LIN9: variants seen among roughly 807,000 people sequenced by gnomAD.
LIN9 encodes protein lin-9 homolog.
In LIN9, 18 loss-of-function variants were observed where a neutral mutation model predicts 78.0. The observed-to-expected ratio is 0.23, with a 90% confidence interval of 0.16 to 0.34. The LOEUF is 0.34. Among genes scored for constraint, LIN9 ranks in the 10% least tolerant of loss-of-function variants. The probability of loss-of-function intolerance (pLI) is 1.00; values close to 1 mark genes in which losing one functional copy is unlikely to be tolerated. For synonymous variants in LIN9, 192 were observed against 215.2 expected (o/e 0.89, Z 0.94); for missense variants, 451 against 644.1 (o/e 0.70, Z 3.25).
chr1:226,304,505 A>G (rs1357781244), intron 1 of LIN9, among the ~76,000 whole-genome samples: 1 of 152,264 alleles, frequency 6.6e-6, no homozygotes, highest in Non-Finnish European at 1.5e-5. Context: ...AAACACGTAC[A>G]TAATAATTAT....
At chr1:226,247,860 G>A (rs1336222741) in intron 11 of LIN9, among the ~76,000 whole-genome samples, 1 of 151,896 alleles carries the variant, frequency 6.6e-6, no homozygotes, top group African/African-American at 2.4e-5. Flanking sequence ...TTTCAGTAGA[G>A]ACAGGGTTTT....
At chr1:226,271,716 T>C (rs1660287349) in intron 7 of LIN9, among the ~76,000 whole-genome samples, 1 of 152,228 alleles carries the variant, frequency 6.6e-6, no homozygotes, top group Non-Finnish European at 1.5e-5. Flanking sequence ...GATTTGTCTA[T>C]TTCTTTCTTT....
Position 226,238,959 on chromosome 1 carries a change from C to T in LIN9, c.1245+12G>A. On this transcript the variant is annotated intron_variant, in intron 12 of 14. Coordinates refer to ENST00000681046, the MANE Select transcript of LIN9 (RefSeq NM_001366245.2). ...ATACAAATATGGAGGGAAATCTATA[C>T]ATATCACTTACCTCATAGCAATACT... The T allele has an allele frequency of 6.2e-7, 1 of 1,607,606 alleles. No homozygotes were observed. The highest frequency in any genetic ancestry group is 8.5e-7 in the Non-Finnish European group (1 of 1,177,126).
intron 11 of LIN9, among the ~76,000 whole-genome samples, chr1:226,242,504 T>A (rs1436054058): frequency 2.6e-5 from 4 of 152,180 alleles, no homozygotes; most frequent in African/African-American, 9.7e-5. Context: ...CAGGAGAATA[T>A]GTTTATGAAT....
intron 6 of LIN9, 76 bp downstream of exon 6, chr1:226,286,257 G>A: frequency 6.7e-7 from 1 of 1,491,386 alleles, no homozygotes; most frequent in Non-Finnish European, 9.0e-7. Context: ...AGCCTTCCAA[G>A]TAACTGGGAT....
intron 5 of LIN9, among the ~76,000 whole-genome samples, chr1:226,286,738 C>A (rs1257203068): frequency 1.3e-5 from 2 of 152,182 alleles, no homozygotes; most frequent in Non-Finnish European, 2.9e-5. Flanking sequence ...GTGGCCCTGG[C>A]CTTGTATCAG....
intron 11 of LIN9, among the ~76,000 whole-genome samples, chr1:226,245,573 G>A (rs1277450981): frequency 2.6e-5 from 4 of 151,866 alleles, no homozygotes; most frequent in African/African-American, 9.7e-5. Context: ...TACCATGCCT[G>A]GCTAATTTTT....
intron 7 of LIN9, among the ~76,000 whole-genome samples, chr1:226,277,430 G>A (rs1660738399): frequency 6.6e-6 from 1 of 152,134 alleles, no homozygotes; most frequent in African/African-American, 2.4e-5. Context: ...TACAGTTTAA[G>A]CTTTCTAAAT....
Position 226,252,502 on chromosome 1 carries a change from G to A in LIN9, c.1039-1583C>T, listed in dbSNP as rs1361852811. Among the ~76,000 whole-genome samples, 6 of 152,104 alleles carry A rather than the reference G, an allele frequency of 3.9e-5. 1 individual carries two copies. Among genetic ancestry groups the A allele is most frequent in the Non-Finnish European group, 4.4e-5 (3 of 67,984 alleles). On this transcript the variant is annotated intron_variant, in intron 10 of 14. Transcript: ENST00000681046. ...CCCACAAGGATTTAGTCAAAAAATC[G>A]AGACTGTGGGAGACTGTATGGATAA...
At position 226,275,784 on chromosome 1, in the gene LIN9, G is replaced by A. The variant is rs953059370; in HGVS notation, c.682+1991C>T. ...TGTAATCCCAACACTTTGGGAGGCCGAGGTGGACAGAAGATCACTTGAGGT... is the reference window on the plus strand; with the variant it reads ...TGTAATCCCAACACTTTGGGAGGCCAAGGTGGACAGAAGATCACTTGAGGT... On this transcript the variant is annotated intron_variant, in intron 7 of 14. Transcript: ENST00000681046. 3.9e-5 allele frequency among the ~76,000 whole-genome samples: 6 copies of A among 152,102 alleles called. No homozygotes were observed. The Middle Eastern group carries it at 0.014, about 345-fold the overall frequency.
rs1261526525 is a variant in LIN9 at position 226,295,838 on chromosome 1, A to G, written c.264+4T>C. The stretch of plus-strand genomic sequence containing the variant: ...AATGAAACAAAATTTTAGCACACAC[A>G]TACCTGTGGAACCATTGCAACCCTC... On this transcript the variant is annotated splice_donor_region_variant and intron_variant, in intron 4 of 14. Coordinates refer to ENST00000681046, the MANE Select transcript of LIN9 (RefSeq NM_001366245.2). 6.3e-6 allele frequency: 10 copies of G among 1,592,682 alleles called. No individual in the cohort carries two copies. The Admixed American group carries it at 8.7e-5, about 14-fold the overall frequency.
At chr1:226,303,609 T>C (rs1176533004) in intron 1 of LIN9, among the ~76,000 whole-genome samples, 3 of 151,770 alleles carry the variant, frequency 2.0e-5, no homozygotes, top group Admixed American at 2.0e-4. Context: ...TTTTCTTTTT[T>C]CTTTTTCTTT....
chr1:226,251,567 G>T (rs1288330193), intron 10 of LIN9, among the ~76,000 whole-genome samples: 1 of 152,150 alleles, frequency 6.6e-6, no homozygotes, highest in Non-Finnish European at 1.5e-5. Context: ...TCACCATGCT[G>T]GCCAGACTGG....
At chr1:226,271,270 C>T (rs1660254329) in intron 7 of LIN9, among the ~76,000 whole-genome samples, 2 of 152,184 alleles carry the variant, frequency 1.3e-5, no homozygotes, top group African/African-American at 4.8e-5. Flanking sequence ...CTGACAATCA[C>T]AAAGTCCAGT....
intron 12 of LIN9, among the ~76,000 whole-genome samples, chr1:226,235,322 C>CAAAAAAAA (rs375690849): frequency 5.0e-5 from 3 of 59,692 alleles, no homozygotes; most frequent in African/African-American, 1.2e-4. Context: ...AAATCCGTCT[C>CAAAAAAAA]AAAAAAAAAA....
At chr1:226,295,482 A>T (rs755579576) in intron 4 of LIN9, among the ~76,000 whole-genome samples, 33 of 150,862 alleles carry the variant, frequency 2.2e-4, no homozygotes, top group Admixed American at 6.0e-4. Flanking sequence ...ATATATATAT[A>T]TATTTTTTTC....
intron 5 of LIN9, 96 bp from the exon 6 acceptor site, chr1:226,286,554 CATAT>C: frequency 1.2e-6 from 1 of 830,028 alleles, no homozygotes; most frequent in Non-Finnish European, 1.8e-6. Context: ...ACTTCTACCC[CATAT>C]ATATATATAA....
Position 226,297,708 on chromosome 1 carries a change from T to C in LIN9, c.159+11A>G. ...AATTATTCTAAAATGTAAGAAAAAC[T>C]CACTCCTTACCATTTCCACAGCAGA... On this transcript the variant is annotated intron_variant, in intron 3 of 14. Coordinates refer to ENST00000681046, the MANE Select transcript of LIN9 (RefSeq NM_001366245.2). 6.6e-7 allele frequency: 1 copy of C among 1,524,754 alleles called. No homozygotes were observed. Among genetic ancestry groups the C allele is most frequent in the Non-Finnish European group, 8.9e-7 (1 of 1,129,488 alleles). The allele number at this position is 1,524,754 out of a possible 1,614,324, so 94.5% of individuals were successfully genotyped here. A position where few individuals can be genotyped will look rare whatever the true frequency, so the allele number is the denominator to read the frequency against.
In LIN9 at chr1:226,232,603, G is replaced by A; in HGVS notation, c.1527C>T (p.Cys509=). The A allele has an allele frequency of 6.3e-7, 1 of 1,583,790 alleles. No individual in the cohort carries two copies. The highest frequency in any genetic ancestry group is 1.8e-5 in the Admixed American group (1 of 56,440). Residue 509 remains cysteine, a synonymous_variant, in exon 15 of 15, where the codon TGC becomes TGT. Transcript: ENST00000681046. ...CATGGATTTCTACATTATTCTGAAA[G>A]CAACTAAAGAAAGAAGAAACATGGT... ...KSTIDASNIS[C]FQNNVEIHVA... is the part of the protein sequence containing the mutation.
Sources: allele counts gnomAD v4.1 joint callset (sites outside exome capture counted in the v4.1 genomes callset), GRCh38; gene constraint gnomAD v4.1.1; transcripts MANE v1.5; gene names NCBI Gene and HGNC (gene_info 2026-07-23, HGNC 2026-07-21).